OPN3: variants seen among roughly 807,000 people sequenced by gnomAD.
The protein encoded by OPN3 is opsin 3, also known as opsin-3.
Under a neutral mutation model 33.8 loss-of-function variants are expected in OPN3, and 29 were observed. The observed-to-expected ratio is 0.86, with a 90% CI of 0.64 to 1.17. OPN3 has a LOEUF of 1.17. Ranked by LOEUF, OPN3 falls within the 50% of genes most tolerant of loss-of-function variation. The pLI is 0.00. For missense variants in OPN3, 437 were observed against 514.1 expected (o/e 0.85, Z 1.45); for synonymous variants, 216 against 216.1 (o/e 1.00, Z 0.00).
intron 1 of OPN3, among the ~76,000 whole-genome samples, chr1:241,616,903 A>G (rs1205735657): frequency 6.6e-6 from 1 of 152,228 alleles, no homozygotes; most frequent in East Asian, 1.9e-4. Flanking sequence ...GACAGTCCTT[A>G]CATGATAATT....
At chr1:241,617,269 A>G (rs1664156462) in intron 1 of OPN3, among the ~76,000 whole-genome samples, 1 of 152,226 alleles carries the variant, frequency 6.6e-6, no homozygotes, top group African/African-American at 2.4e-5. Flanking sequence ...CCCCAAAAAG[A>G]TTACACAAAG....
chr1:241,608,889 G>T (rs554795931), intron 1 of OPN3, among the ~76,000 whole-genome samples: 1 of 152,082 alleles, frequency 6.6e-6, no homozygotes, highest in Non-Finnish European at 1.5e-5. Flanking sequence ...CTTAGTCTTC[G>T]AGGGTAACCC....
intron 2 of OPN3, among the ~76,000 whole-genome samples, chr1:241,599,802 CA>C (rs1663632551): frequency 6.6e-6 from 1 of 152,008 alleles, no homozygotes; most frequent in Non-Finnish European, 1.5e-5. Flanking sequence ...GGAGGTAAAG[CA>C]AAAAAACCTA....
At chr1:241,627,883 T>C (rs144273786) in intron 1 of OPN3, among the ~76,000 whole-genome samples, 1 of 152,160 alleles carries the variant, frequency 6.6e-6, no homozygotes, top group Non-Finnish European at 1.5e-5. Flanking sequence ...TTAATCAGAA[T>C]TTCTTGGTAT....
chr1:241,615,567 C>T (rs968189952), intron 1 of OPN3, among the ~76,000 whole-genome samples: 2 of 152,166 alleles, frequency 1.3e-5, no homozygotes, highest in African/African-American at 2.4e-5. Context: ...GTGCCTCATA[C>T]CATTCCCACT....
At chr1:241,594,787 T>G (rs1448847497) in intron 3 of OPN3, 96 bp from the exon 4 acceptor site, 1 of 1,457,592 alleles carries the variant, frequency 6.9e-7, no homozygotes, top group Non-Finnish European at 9.3e-7. Flanking sequence ...ATTTAAGTTG[T>G]TTTTTGTTTG....
intron 1 of OPN3, chr1:241,630,476 T>C (rs1664587794): frequency 6.6e-6 from 1 of 152,106 alleles, no homozygotes; most frequent in East Asian, 1.9e-4. Context: ...AAATTGTGTA[T>C]CCTGCAACTT....
chr1:241,634,145 T>G (rs1443538937), intron 1 of OPN3: 2 of 1,613,368 alleles, frequency 1.2e-6, no homozygotes, highest in Non-Finnish European at 1.7e-6. Context: ...TGTAAGTTCT[T>G]CCTCGTTTAT....
At chr1:241,599,521 C>T (rs969492389) in intron 2 of OPN3, among the ~76,000 whole-genome samples, 5 of 151,758 alleles carry the variant, frequency 3.3e-5, no homozygotes, top group Non-Finnish European at 7.4e-5. Flanking sequence ...CGGCAAAAAC[C>T]GCAATTACTT....
intron 1 of OPN3, chr1:241,631,360 C>T (rs916095509): frequency 5.3e-5 from 8 of 151,908 alleles, no homozygotes; most frequent in Admixed American, 1.3e-4. Context: ...AAAATCTTTT[C>T]GGTAGATCTG....
In OPN3 at chr1:241,597,789, T is replaced by C. The variant is rs1276245208; in HGVS notation, c.902A>G (p.Asn301Ser). ...SIVSYLFAKS[N>S]TVYNPVIYVF... ...ATAAATCACTGGATTGTATACAGTGTTCGATTTAGCAAAGAGGTACGAAAC... is the reference window on the plus strand; with the variant it reads ...ATAAATCACTGGATTGTATACAGTGCTCGATTTAGCAAAGAGGTACGAAAC... Residue 301 changes from asparagine to serine, a missense_variant, in exon 3 of 4, where the codon AAC becomes AGC. Asn to Ser is a conservative substitution (Grantham distance 46). Coordinates refer to ENST00000366554, the MANE Select transcript of OPN3 (RefSeq NM_014322.3). The C allele has an allele frequency of 1.2e-6, 2 of 1,613,722 alleles. No individual in the cohort carries two copies. The highest frequency in any genetic ancestry group is 2.2e-5 in the East Asian group (1 of 44,834).
intron 2 of OPN3, 117 bp from the exon 3 acceptor site, chr1:241,598,114 T>C (rs1311459323): frequency 8.6e-7 from 1 of 1,160,670 alleles, no homozygotes; most frequent in African/African-American, 1.6e-5. Context: ...GAAAGAGAAC[T>C]GAATGGCACC....
chr1:241,598,796 A>AT (rs368226798), intron 2 of OPN3, among the ~76,000 whole-genome samples: 1 of 152,216 alleles, frequency 6.6e-6, no homozygotes, highest in African/African-American at 2.4e-5. Flanking sequence ...CACACCAAAA[A>AT]TGTGTTCCTA....
chr1:241,634,658 A>C, intron 1 of OPN3: 2 of 1,614,020 alleles, frequency 1.2e-6, no homozygotes, highest in Non-Finnish European at 1.7e-6. Flanking sequence ...GGTGTTGCCA[A>C]ACCGTCCGAG....
intron 1 of OPN3, chr1:241,635,566 G>A (rs748317887): frequency 6.2e-7 from 1 of 1,614,050 alleles, no homozygotes; most frequent in Non-Finnish European, 8.5e-7. Flanking sequence ...CTTCCCCAAT[G>A]TCATTGTTTT....
intron 1 of OPN3, among the ~76,000 whole-genome samples, chr1:241,611,708 T>C (rs1664006368): frequency 6.6e-6 from 1 of 152,206 alleles, no homozygotes; most frequent in Non-Finnish European, 1.5e-5. Context: ...ATGCCATGCG[T>C]GGAGCTTGGA....
At chr1:241,635,226 A>C (rs780809526) in intron 1 of OPN3, 3 of 1,613,528 alleles carry the variant, frequency 1.9e-6, no homozygotes, top group Admixed American at 1.7e-5. Flanking sequence ...TCTCCACAAT[A>C]CTTTTCCTTC....
At chr1:241,617,932 C>T (rs984184139) in intron 1 of OPN3, among the ~76,000 whole-genome samples, 1 of 151,850 alleles carries the variant, frequency 6.6e-6, no homozygotes, top group African/African-American at 2.4e-5. Flanking sequence ...ACAATCTGGA[C>T]AGGCAAGAAA....
intron 1 of OPN3, among the ~76,000 whole-genome samples, chr1:241,619,964 C>T (rs1467313016): frequency 6.6e-6 from 1 of 152,074 alleles, no homozygotes; most frequent in Admixed American, 6.5e-5. Flanking sequence ...AAGGGGAAAA[C>T]GCAATATGAA....
Sources: allele counts gnomAD v4.1 joint callset (sites outside exome capture counted in the v4.1 genomes callset), GRCh38; gene constraint gnomAD v4.1.1; transcripts MANE v1.5; gene names NCBI Gene and HGNC (gene_info 2026-07-23, HGNC 2026-07-21).